Variants in TMEM178B observed in about 807,000 individuals in gnomAD.
TMEM178B encodes transmembrane protein 178B.
A neutral mutation model predicts 31.0 loss-of-function variants in TMEM178B; 5 were observed. That is an observed-to-expected ratio of 0.16 (90% CI 0.08 to 0.34). The LOEUF (loss-of-function observed/expected upper bound fraction) is 0.34. Ranked by LOEUF, TMEM178B falls within the 10% of genes least tolerant of loss-of-function variation. The pLI is 1.00. For synonymous variants in TMEM178B, 164 were observed against 164.0 expected, an observed-to-expected ratio of 1.00 and a Z score of 0.00; for missense variants, 275 against 400.3, an observed-to-expected ratio of 0.69 and a Z score of 2.67.
intron 1 of TMEM178B, among the ~76,000 whole-genome samples, chr7:141,199,119 C>T (rs1352144183): frequency 1.3e-5 from 2 of 152,104 alleles, no homozygotes; most frequent in East Asian, 3.9e-4. Context: ...TTTATTTCCT[C>T]TTGTGAAGAA....
At chr7:141,343,220 C>T (rs768721843) in intron 2 of TMEM178B, among the ~76,000 whole-genome samples, 1 of 152,348 alleles carries the variant, frequency 6.6e-6, no homozygotes, top group African/African-American at 2.4e-5. Flanking sequence ...CTCGCCCTTG[C>T]ATTGCGTATG....
intron 2 of TMEM178B, among the ~76,000 whole-genome samples, chr7:141,389,186 G>A (rs10259654): frequency 0.079 from 12,085 of 152,206 alleles, 576 homozygotes; most frequent in African/African-American, 0.11. Context: ...CACTACTCAC[G>A]TTAGGTTCAA....
At chr7:141,397,126 T>A (rs914248529) in intron 2 of TMEM178B, among the ~76,000 whole-genome samples, 1 of 152,186 alleles carries the variant, frequency 6.6e-6, no homozygotes, top group African/African-American at 2.4e-5. Context: ...GCACAGAAGA[T>A]GAACTTCAGT....
chr7:141,237,147 T>C (rs910030074), intron 2 of TMEM178B, among the ~76,000 whole-genome samples: 1 of 152,258 alleles, frequency 6.6e-6, no homozygotes, highest in Non-Finnish European at 1.5e-5. Flanking sequence ...TCATTGTTGG[T>C]GTGTTCATAG....
intron 2 of TMEM178B, among the ~76,000 whole-genome samples, chr7:141,360,456 T>C (rs1799897490): frequency 6.6e-6 from 1 of 152,220 alleles, no homozygotes; most frequent in South Asian, 2.1e-4. Flanking sequence ...TGATTCCAAA[T>C]CTAAGGCCAG....
chr7:141,446,931 A>C (rs1801770024), intron 3 of TMEM178B, among the ~76,000 whole-genome samples: 1 of 152,078 alleles, frequency 6.6e-6, no homozygotes, highest in Non-Finnish European at 1.5e-5. Flanking sequence ...GCATCATCCC[A>C]TCACTACCAA....
At chr7:141,271,759 G>T (rs1798189563) in intron 2 of TMEM178B, among the ~76,000 whole-genome samples, 1 of 152,200 alleles carries the variant, frequency 6.6e-6, no homozygotes. Context: ...TTAGTTCCAA[G>T]TATGGTGCTG....
rs774258725 is a variant in TMEM178B, at chr7:141,467,272, A to G, written c.635-3264A>G. On this transcript the variant is annotated intron_variant, in intron 3 of 3. Coordinates refer to ENST00000565468, the MANE Select transcript of TMEM178B (RefSeq NM_001195278.2). ...CCTAGTGCACAACATGAAAAAAACT[A>G]TGATGTTCTGTAACTCCCACAAGTT... is the stretch of plus-strand genomic sequence containing the variant. Among the ~76,000 whole-genome samples the G allele has an allele frequency of 2.6e-4, 40 of 152,264 alleles. 1 individual carries two copies. The highest frequency in any genetic ancestry group is 6.8e-3 in the Middle Eastern group (2 of 294).
At chr7:141,333,191 G>A (rs1253846059) in intron 2 of TMEM178B, among the ~76,000 whole-genome samples, 1 of 152,198 alleles carries the variant, frequency 6.6e-6, no homozygotes, top group East Asian at 1.9e-4. Context: ...AGACATAAAC[G>A]TTGATAAAGC....
chr7:141,246,652 A>T (rs370461358), intron 2 of TMEM178B, among the ~76,000 whole-genome samples: 110 of 152,120 alleles, frequency 7.2e-4, no homozygotes, highest in African/African-American at 2.5e-3. Context: ...AAATTTGTGG[A>T]GGCTGGAAAA....
At chr7:141,345,297 G>A (rs1014171794) in intron 2 of TMEM178B, among the ~76,000 whole-genome samples, 2 of 152,184 alleles carry the variant, frequency 1.3e-5, no homozygotes, top group African/African-American at 4.8e-5. Flanking sequence ...GTTAGAGAGG[G>A]AGTTAATAAT....
At chr7:141,299,660 A>G (rs1798691399) in intron 2 of TMEM178B, among the ~76,000 whole-genome samples, 1 of 152,086 alleles carries the variant, frequency 6.6e-6, no homozygotes, top group South Asian at 2.1e-4. Flanking sequence ...CAGAATTTCT[A>G]CTGGGGGTAG....
intron 2 of TMEM178B, among the ~76,000 whole-genome samples, chr7:141,245,077 T>C (rs1272728129): frequency 2.1e-5 from 3 of 142,396 alleles, no homozygotes; most frequent in Admixed American, 1.5e-4. Context: ...GCAAGAGAAT[T>C]GCTTGAACCT....
chr7:141,376,033 G>A (rs1476497600), intron 2 of TMEM178B, among the ~76,000 whole-genome samples: 1 of 152,196 alleles, frequency 6.6e-6, no homozygotes, highest in African/African-American at 2.4e-5. Flanking sequence ...TTTGTAAGCC[G>A]AAGCAAGTTT....
chr7:141,487,741 C>CAAA, the TMEM178B span, among the ~76,000 whole-genome samples: 55 of 30,260 alleles, frequency 1.8e-3, 3 homozygotes, highest in Non-Finnish European at 2.9e-3. Flanking sequence ...GACTCCGTCT[C>CAAA]AAAAAAAAAA....
chr7:141,468,907 G>A (rs1018870185), intron 3 of TMEM178B, among the ~76,000 whole-genome samples: 6 of 152,176 alleles, frequency 3.9e-5, no homozygotes, highest in African/African-American at 1.4e-4. Context: ...TGGTTGAACC[G>A]GGTGTGACAT....
chr7:141,107,300 C>G (rs113001762), intron 1 of TMEM178B, among the ~76,000 whole-genome samples: 1 of 152,152 alleles, frequency 6.6e-6, no homozygotes, highest in Non-Finnish European at 1.5e-5. Flanking sequence ...CCATTTTGAG[C>G]AGACCAGTGA....
chr7:141,189,003 G>A (rs1403005472), intron 1 of TMEM178B, among the ~76,000 whole-genome samples: 2 of 152,246 alleles, frequency 1.3e-5, no homozygotes, highest in Admixed American at 6.5e-5. Context: ...GGCCCAAACC[G>A]AGGAGGTCAC....
chr7:141,290,710 C>T (rs1307761908), intron 2 of TMEM178B, among the ~76,000 whole-genome samples: 1 of 152,216 alleles, frequency 6.6e-6, no homozygotes, highest in African/African-American at 2.4e-5. Flanking sequence ...GATAGTCTTC[C>T]TTCCTTGAAC....
Sources: gnomAD v4.1 joint callset for allele counts (sites outside exome capture counted in the v4.1 genomes callset) on GRCh38, gnomAD v4.1.1 for gene constraint, MANE v1.5 for transcripts, NCBI Gene and HGNC (gene_info 2026-07-23, HGNC 2026-07-21) for gene names.